Variants in RAB38 observed in about 807,000 individuals in gnomAD.
RAB38 encodes RAB38, member RAS oncogene family, also known as ras-related protein Rab-38.
RAB38 carries 15 observed loss-of-function variants against 18.4 expected under a neutral mutation model. The observed-to-expected ratio is 0.82, with a 90% CI of 0.55 to 1.26. RAB38 has a LOEUF of 1.26. RAB38 is among the 50% of genes most tolerant of loss of function. RAB38 has a pLI of 0.00. For missense variants in RAB38, 294 were observed against 267.4 expected, an observed-to-expected ratio of 1.10 and a Z score of -0.69; for synonymous variants, 101 against 104.4, an observed-to-expected ratio of 0.97 and a Z score of 0.20.
At chr11:87,956,791 C>T in the RAB38 span, among the ~76,000 whole-genome samples, 1 of 151,968 alleles carries the variant, frequency 6.6e-6, no homozygotes, top group Admixed American at 6.6e-5. Context: ...CAGAGGAGTA[C>T]TGCACCAAAC....
At chr11:87,966,856 A>G in the RAB38 span, among the ~76,000 whole-genome samples, 1 of 152,196 alleles carries the variant, frequency 6.6e-6, no homozygotes, top group Non-Finnish European at 1.5e-5. Context: ...TGCTGTGATG[A>G]TCATGCATGT....
At position 88,113,718 on chromosome 11, in the gene RAB38, G is replaced by A. The variant is rs188121039; in HGVS notation, c.*270C>T. 57 of 373,812 alleles carry A rather than the reference G, an allele frequency of 1.5e-4. No individual in the cohort carries two copies. The highest frequency in any genetic ancestry group is 1.0e-3 in the African/African-American group (50 of 49,998). The allele number at this position is 373,812 out of a possible 1,614,324, so 23.2% of individuals were successfully genotyped here. On this transcript the variant is annotated 3_prime_UTR_variant, in exon 3 of 3. Coordinates refer to ENST00000243662, the MANE Select transcript of RAB38 (RefSeq NM_022337.3). ...ATTAAAAGAAGCAAATAACAGTGCC[G>A]ACTGTGGCCCTGCAGGATTTTGGTC...
At chr11:87,952,619 C>T in the RAB38 span, among the ~76,000 whole-genome samples, 4 of 152,128 alleles carry the variant, frequency 2.6e-5, 1 homozygote, top group East Asian at 7.7e-4. Flanking sequence ...ACAAATCCAA[C>T]ATCACAGTAT....
the RAB38 span, among the ~76,000 whole-genome samples, chr11:87,904,191 C>T: frequency 6.6e-6 from 1 of 151,572 alleles, no homozygotes; most frequent in Non-Finnish European, 1.5e-5. Context: ...TAATTGGTCT[C>T]ATCACCCAGT....
At chr11:88,151,110 C>A (rs971167791) in intron 1 of RAB38, among the ~76,000 whole-genome samples, 4 of 152,166 alleles carry the variant, frequency 2.6e-5, no homozygotes, top group African/African-American at 9.7e-5. Flanking sequence ...TGATGCTTAA[C>A]GTTCTGATTG....
the RAB38 span, among the ~76,000 whole-genome samples, chr11:87,951,923 G>C: frequency 6.6e-6 from 1 of 152,134 alleles, no homozygotes; most frequent in African/African-American, 2.4e-5. Flanking sequence ...TCTCTTCAAA[G>C]CTCAGTTGGA....
intron 2 of RAB38, among the ~76,000 whole-genome samples, chr11:88,143,646 G>A (rs924328933): frequency 3.3e-5 from 5 of 152,190 alleles, no homozygotes; most frequent in Non-Finnish European, 7.4e-5. Context: ...GTTTTTAATA[G>A]CATGCAAAAC....
the RAB38 span, among the ~76,000 whole-genome samples, chr11:88,101,376 A>G: frequency 6.6e-6 from 1 of 152,022 alleles, no homozygotes; most frequent in Non-Finnish European, 1.5e-5. Flanking sequence ...CAAATTATTT[A>G]TAACAACATA....
chr11:88,056,660 C>T, the RAB38 span, among the ~76,000 whole-genome samples: 6 of 152,036 alleles, frequency 3.9e-5, no homozygotes, highest in East Asian at 1.9e-4. Flanking sequence ...AAAAATTAGA[C>T]GAGCGAGGTG....
chr11:88,014,423 A>G, the RAB38 span, among the ~76,000 whole-genome samples: 1 of 152,128 alleles, frequency 6.6e-6, no homozygotes, highest in Non-Finnish European at 1.5e-5. Context: ...CAACAAGGCT[A>G]TTTGGTAGGT....
At chr11:88,019,723 C>G in the RAB38 span, among the ~76,000 whole-genome samples, 1 of 152,138 alleles carries the variant, frequency 6.6e-6, no homozygotes, top group Non-Finnish European at 1.5e-5. Flanking sequence ...TATGTTACAG[C>G]CTTCTCTACT....
intron 2 of RAB38, among the ~76,000 whole-genome samples, chr11:88,132,271 T>C (rs1942774759): frequency 6.6e-6 from 1 of 152,148 alleles, no homozygotes; most frequent in South Asian, 2.1e-4. Context: ...AGGGAGAAAG[T>C]CACGTGCTGA....
chr11:87,923,961 G>GAA, the RAB38 span, among the ~76,000 whole-genome samples: 7 of 134,974 alleles, frequency 5.2e-5, no homozygotes, highest in African/African-American at 1.3e-4. Flanking sequence ...AGAGAAAATT[G>GAA]AAAAAAAAAA....
At chr11:87,873,922 G>GTA in the RAB38 span, among the ~76,000 whole-genome samples, 421 of 103,096 alleles carry the variant, frequency 4.1e-3, 7 homozygotes, top group South Asian at 4.3e-3. Flanking sequence ...GTGTGTGTGT[G>GTA]TATATATATA....
chr11:87,934,120 T>A, the RAB38 span, among the ~76,000 whole-genome samples: 4 of 152,248 alleles, frequency 2.6e-5, no homozygotes, highest in South Asian at 2.1e-4. Flanking sequence ...AGTGAAGCAC[T>A]TCAGTATAAT....
intron 1 of RAB38, among the ~76,000 whole-genome samples, chr11:88,151,460 G>A (rs1467633293): frequency 1.3e-5 from 2 of 152,152 alleles, no homozygotes; most frequent in African/African-American, 4.8e-5. Context: ...ATGAAGACTT[G>A]TATTTTCTGA....
chr11:88,102,610 G>C, the RAB38 span, among the ~76,000 whole-genome samples: 2 of 152,030 alleles, frequency 1.3e-5, no homozygotes, highest in Admixed American at 1.3e-4. Flanking sequence ...ACGTAAGAAG[G>C]AGAAAAAGTT....
the RAB38 span, among the ~76,000 whole-genome samples, chr11:88,053,137 CAA>C: frequency 1.8e-5 from 2 of 113,254 alleles, no homozygotes; most frequent in Admixed American, 1.0e-4. Flanking sequence ...ATTATATATA[CAA>C]TATATATGGA....
At chr11:88,170,241 G>A (rs1434942002) in intron 1 of RAB38, among the ~76,000 whole-genome samples, 12 of 152,158 alleles carry the variant, frequency 7.9e-5, no homozygotes, top group Admixed American at 7.9e-4. Flanking sequence ...GTGGCATTTA[G>A]AAAATCTGTA....
Sources: gnomAD v4.1 joint callset for allele counts (sites outside exome capture counted in the v4.1 genomes callset) on GRCh38, gnomAD v4.1.1 for gene constraint, MANE v1.5 for transcripts, NCBI Gene and HGNC (gene_info 2026-07-23, HGNC 2026-07-21) for gene names.